CNGB3: variants seen among roughly 807,000 people sequenced by gnomAD.
The protein encoded by CNGB3 is cyclic nucleotide-gated channel beta-3.
In CNGB3, 86 loss-of-function variants were observed where a neutral mutation model predicts 92.8. That is an observed-to-expected ratio of 0.93 (90% CI 0.78 to 1.11). The LOEUF is 1.11. Among genes scored for constraint, CNGB3 ranks in the 50% least tolerant of loss-of-function variants. The probability of loss-of-function intolerance (pLI) is 0.00; values close to 1 mark genes in which losing one functional copy is unlikely to be tolerated. For missense variants in CNGB3, 1,026 were observed against 956.8 expected, an observed-to-expected ratio of 1.07 and a Z score of -0.95; for synonymous variants, 333 against 332.7, an observed-to-expected ratio of 1.00 and a Z score of -0.01.
chr8:86,592,723 A>G (rs971295851), intron 15 of CNGB3, among the ~76,000 whole-genome samples: 1 of 152,238 alleles, frequency 6.6e-6, no homozygotes, highest in African/African-American at 2.4e-5. Flanking sequence ...ATAACTCTAC[A>G]TGCTATCAAT....
intron 3 of CNGB3, among the ~76,000 whole-genome samples, chr8:86,705,615 A>G (rs886209353): frequency 2.6e-5 from 4 of 152,232 alleles, no homozygotes; most frequent in African/African-American, 7.2e-5. Flanking sequence ...CAGACAAAAC[A>G]TTGTCACACC....
chr8:86,652,906 CATT>C (rs1823434295), intron 7 of CNGB3, among the ~76,000 whole-genome samples: 1 of 152,008 alleles, frequency 6.6e-6, no homozygotes, highest in Non-Finnish European at 1.5e-5. Flanking sequence ...TGTTTATTGC[CATT>C]ATCCCCAATA....
At chr8:86,719,826 A>G (rs146587349) in intron 3 of CNGB3, among the ~76,000 whole-genome samples, 18 of 152,242 alleles carry the variant, frequency 1.2e-4, no homozygotes, top group African/African-American at 4.3e-4. Flanking sequence ...TGAATAGAGA[A>G]CCCAGAAATA....
chr8:86,734,556 T>A (rs1377951050), intron 2 of CNGB3, among the ~76,000 whole-genome samples: 1 of 152,212 alleles, frequency 6.6e-6, no homozygotes. Context: ...TGGTTAGAGG[T>A]CACAGAATGG....
chr8:86,688,010 A>G (rs139823832), intron 3 of CNGB3, among the ~76,000 whole-genome samples: 1 of 152,178 alleles, frequency 6.6e-6, no homozygotes, highest in Non-Finnish European at 1.5e-5. Flanking sequence ...GAAAGGAATT[A>G]TCAGGCAACC....
chr8:86,725,691 C>A (rs980944591), intron 3 of CNGB3, among the ~76,000 whole-genome samples: 1 of 152,164 alleles, frequency 6.6e-6, no homozygotes, highest in Non-Finnish European at 1.5e-5. Flanking sequence ...ATGACTTCTA[C>A]TAACAGCAGA....
intron 6 of CNGB3, 92 bp downstream of exon 6, chr8:86,666,829 CCAGT>C (rs1201497718): frequency 1.9e-5 from 18 of 956,506 alleles, no homozygotes; most frequent in Admixed American, 3.7e-5. Context: ...ATGCAGATAG[CCAGT>C]CAAACATTAA....
chr8:86,711,796 G>C (rs1824755561), intron 3 of CNGB3, among the ~76,000 whole-genome samples: 1 of 147,838 alleles, frequency 6.8e-6, no homozygotes, highest in African/African-American at 2.5e-5. Context: ...ACAGATGGAG[G>C]CTCTAGCAGG....
In CNGB3 at chr8:86,627,100, G is replaced by T. The variant is rs576559004; in HGVS notation, c.1481-1020C>A. ...AGAATTCCAAGAGTTTCTGAGAGTT[G>T]ATTTTTTTTTAATGTTTTCTTATAT... On this transcript the variant is annotated intron_variant, in intron 12 of 17. Coordinates refer to ENST00000320005, the MANE Select transcript of CNGB3 (RefSeq NM_019098.5). Among the ~76,000 whole-genome samples, 19 of 6,544 alleles carry T rather than the reference G, an allele frequency of 2.9e-3. No homozygotes were observed. The East Asian group carries it at 0.37, about 126-fold the overall frequency. 4.3% of individuals were successfully genotyped at this position (6,544 alleles called of 152,430 possible).
chr8:86,671,046 G>A lies in CNGB3; in HGVS notation c.391C>T (p.Gln131Ter), dbSNP rs786204492. The A allele has an allele frequency of 1.9e-6, 3 of 1,613,876 alleles. No individual in the cohort carries two copies. The highest frequency in any genetic ancestry group is 3.3e-5 in the Admixed American group (2 of 60,008). The change falls in exon 4 of 18, where the codon CAG becomes TAG. Residue 131 changes from glutamine to a stop codon, truncating the protein, a stop_gained. Transcript: ENST00000320005. LOFTEE classifies it high-confidence loss of function. Reference protein sequence around the residue: ...APVINEYADAQLHNLVKRMRQ... With the variant: ...APVINEYADA ...ATTCTTTTCACCAGGTTGTGTAGCT[G>A]GGCATCGGCATACTCATTTATAACA...
At chr8:86,578,558 C>G in intron 17 of CNGB3, 131 bp downstream of exon 17, 2 of 860,436 alleles carry the variant, frequency 2.3e-6, no homozygotes, top group Non-Finnish European at 4.0e-6. Flanking sequence ...ATATATAAAG[C>G]AGGAAGTATT....
intron 15 of CNGB3, among the ~76,000 whole-genome samples, chr8:86,597,170 A>G (rs2131552812): frequency 6.6e-6 from 1 of 152,314 alleles, no homozygotes; most frequent in African/African-American, 2.4e-5. Context: ...GTAAAGTATA[A>G]TAAAAAACAA....
chr8:86,732,217 A>G (rs1229313139), intron 2 of CNGB3, among the ~76,000 whole-genome samples: 1 of 152,178 alleles, frequency 6.6e-6, no homozygotes, highest in Non-Finnish European at 1.5e-5. Flanking sequence ...TCCATGCCAA[A>G]CTTCGCTCTT....
chr8:86,601,149 A>G (rs1822289642), intron 15 of CNGB3, among the ~76,000 whole-genome samples: 1 of 152,170 alleles, frequency 6.6e-6, no homozygotes, highest in Non-Finnish European at 1.5e-5. Flanking sequence ...CCGAAGAGAG[A>G]TGAAACCAAT....
chr8:86,691,254 A>G (rs1378113688), intron 3 of CNGB3, among the ~76,000 whole-genome samples: 1 of 152,132 alleles, frequency 6.6e-6, no homozygotes, highest in Non-Finnish European at 1.5e-5. Flanking sequence ...ATTCATTTAT[A>G]AGATCTAGGA....
chr8:86,638,249 A>AT (rs1209390807), intron 10 of CNGB3, among the ~76,000 whole-genome samples: 1 of 152,110 alleles, frequency 6.6e-6, no homozygotes, highest in African/African-American at 2.4e-5. Flanking sequence ...CTACATTGGA[A>AT]TTTTTGAGTT....
intron 3 of CNGB3, among the ~76,000 whole-genome samples, chr8:86,706,071 C>T (rs1824645936): frequency 6.6e-6 from 1 of 152,098 alleles, no homozygotes; most frequent in Non-Finnish European, 1.5e-5. Context: ...TATAAATTAC[C>T]TGTTAATAAA....
At chr8:86,735,511 C>T (rs1055155127) in intron 2 of CNGB3, among the ~76,000 whole-genome samples, 16 of 152,162 alleles carry the variant, frequency 1.1e-4, no homozygotes, top group Non-Finnish European at 2.4e-4. Context: ...AAGTCTAAAA[C>T]GTGTCTGACG....
At chr8:86,735,278 G>A (rs1825231103) in intron 2 of CNGB3, among the ~76,000 whole-genome samples, 1 of 151,102 alleles carries the variant, frequency 6.6e-6, no homozygotes, top group African/African-American at 2.4e-5. Context: ...GAGTAGCTGG[G>A]ACTACAGGCA....
Sources: allele counts gnomAD v4.1 joint callset (sites outside exome capture counted in the v4.1 genomes callset), GRCh38; gene constraint gnomAD v4.1.1; transcripts MANE v1.5; gene names NCBI Gene and HGNC (gene_info 2026-07-23, HGNC 2026-07-21).